The following GNB4 variants were observed in gnomAD, a reference collection of about 807,000 sequenced individuals.
GNB4 encodes G protein subunit beta 4, also known as guanine nucleotide-binding protein subunit beta-4.
Under a neutral mutation model 45.2 loss-of-function variants are expected in GNB4, and 28 were observed. That is an observed-to-expected ratio of 0.62 (90% CI 0.46 to 0.85). GNB4 has a LOEUF of 0.85. Among genes scored for constraint, GNB4 ranks in the 40% least tolerant of loss-of-function variants. The pLI is 0.00. For synonymous variants in GNB4, 132 were observed against 143.7 expected (o/e 0.92, Z 0.58); for missense variants, 321 against 425.4 (o/e 0.75, Z 2.16).
chr3:179,427,324 G>T (rs1715175913), intron 1 of GNB4, among the ~76,000 whole-genome samples: 1 of 151,994 alleles, frequency 6.6e-6, no homozygotes, highest in Non-Finnish European at 1.5e-5. Flanking sequence ...GATGTAAAGG[G>T]TCTGGTGTGG....
chr3:179,400,057 C>T lies in GNB4; in HGVS notation c.*1156G>A, dbSNP rs1203077371. On this transcript the variant is annotated 3_prime_UTR_variant, in exon 10 of 10. Coordinates refer to ENST00000232564, the MANE Select transcript of GNB4 (RefSeq NM_021629.4). ...ACTTACATCTAGACATCCTTTGAAGCAAAACCACTTAGAAACCAGTATTTT... is the reference window on the plus strand; with the variant it reads ...ACTTACATCTAGACATCCTTTGAAGTAAAACCACTTAGAAACCAGTATTTT... 6.6e-6 allele frequency: 1 copy of T among 152,130 alleles called. No individual in the cohort carries two copies. Among genetic ancestry groups the T allele is most frequent in the African/African-American group, 2.4e-5 (1 of 41,432 alleles). The allele number at this position is 152,130 out of a possible 1,614,324, so 9.4% of individuals were successfully genotyped here. A position where few individuals can be genotyped will look rare whatever the true frequency, so the allele number is the denominator to read the frequency against.
chr3:179,517,108 C>T, the GNB4 span, among the ~76,000 whole-genome samples: 138 of 152,150 alleles, frequency 9.1e-4, 1 homozygote, highest in African/African-American at 3.2e-3. Flanking sequence ...TCATATTCCC[C>T]GTGACCTGCA....
chr3:179,440,162 T>G (rs1428573431), intron 1 of GNB4, among the ~76,000 whole-genome samples: 4 of 152,200 alleles, frequency 2.6e-5, no homozygotes, highest in Non-Finnish European at 1.5e-5. Flanking sequence ...AGGTGTTATC[T>G]TCTCTTTCCT....
chr3:179,444,892 G>T (rs1715680527), intron 1 of GNB4, among the ~76,000 whole-genome samples: 1 of 151,804 alleles, frequency 6.6e-6, no homozygotes, highest in Admixed American at 6.6e-5. Flanking sequence ...TGCCTTACTG[G>T]GTTTTTAATT....
At chr3:179,521,663 T>G in the GNB4 span, among the ~76,000 whole-genome samples, 9 of 152,222 alleles carry the variant, frequency 5.9e-5, no homozygotes, top group African/African-American at 2.2e-4. Context: ...CCGTCACTCC[T>G]AACTCCCTCT....
chr3:179,402,026 TTC>T (rs1034749295), intron 9 of GNB4, among the ~76,000 whole-genome samples: 1 of 152,178 alleles, frequency 6.6e-6, no homozygotes, highest in Non-Finnish European at 1.5e-5. Flanking sequence ...TGAATTTGCA[TTC>T]TCTCTCTCTA....
the GNB4 span, among the ~76,000 whole-genome samples, chr3:179,474,300 T>C: frequency 6.6e-6 from 1 of 152,216 alleles, no homozygotes; most frequent in Non-Finnish European, 1.5e-5. Flanking sequence ...CTCAGCTCAC[T>C]GCAACCTCCT....
chr3:179,513,043 G>A, the GNB4 span, among the ~76,000 whole-genome samples: 3 of 151,758 alleles, frequency 2.0e-5, no homozygotes, highest in Admixed American at 6.6e-5. Context: ...TTTCTAACTG[G>A]TGGTAAAGAC....
intron 1 of GNB4, among the ~76,000 whole-genome samples, chr3:179,430,898 C>G (rs1715291749): frequency 6.6e-6 from 1 of 152,132 alleles, no homozygotes; most frequent in Non-Finnish European, 1.5e-5. Flanking sequence ...CCCTAATATT[C>G]ATCATAGCTT....
chr3:179,459,411 A>G, the GNB4 span, among the ~76,000 whole-genome samples: 1 of 152,146 alleles, frequency 6.6e-6, no homozygotes, highest in East Asian at 1.9e-4. Flanking sequence ...GGCCGGGCGC[A>G]GTGCCTCACG....
At chr3:179,484,834 A>ATGTGTGTG in the GNB4 span, among the ~76,000 whole-genome samples, 18 of 82,084 alleles carry the variant, frequency 2.2e-4, no homozygotes, top group Admixed American at 1.4e-3. Flanking sequence ...ATAGCTATAT[A>ATGTGTGTG]TATGTGTGTG....
chr3:179,443,307 G>T (rs1715640198), intron 1 of GNB4, among the ~76,000 whole-genome samples: 1 of 152,202 alleles, frequency 6.6e-6, no homozygotes, highest in African/African-American at 2.4e-5. Context: ...GAGAGGCTGA[G>T]GCAGTTGGAT....
At chr3:179,420,729 G>A (rs761834104) in intron 3 of GNB4, among the ~76,000 whole-genome samples, 160 bp downstream of exon 3, 12 of 151,898 alleles carry the variant, frequency 7.9e-5, no homozygotes, top group South Asian at 2.1e-4. Context: ...AAAAGCACTC[G>A]CACTGTATAG....
chr3:179,439,209 G>C (rs538918042), intron 1 of GNB4, among the ~76,000 whole-genome samples: 60 of 152,270 alleles, frequency 3.9e-4, no homozygotes, highest in African/African-American at 1.4e-3. Context: ...ATTTACACAA[G>C]CAGTTTAACA....
At chr3:179,462,173 C>CGTGT in the GNB4 span, among the ~76,000 whole-genome samples, 8 of 132,088 alleles carry the variant, frequency 6.1e-5, no homozygotes, top group Non-Finnish European at 9.7e-5. Context: ...TGTGTGTGCA[C>CGTGT]ATGTGTGTGT....
Position 179,398,318 on chromosome 3 carries a change from C to G in GNB4, c.*2895G>C, listed in dbSNP as rs768586635. ...TCACTTGAGGCCAGGAGTACGAGAT[C>G]AGACTGGCCAAGATGGTGAAACCCC... On this transcript the variant is annotated 3_prime_UTR_variant, in exon 10 of 10. Coordinates refer to ENST00000232564, the MANE Select transcript of GNB4 (RefSeq NM_021629.4). The G allele has an allele frequency of 2.0e-5, 3 of 151,536 alleles. No individual in the cohort carries two copies. The highest frequency in any genetic ancestry group is 7.3e-5 in the African/African-American group (3 of 41,224). The allele number at this position is 151,536 out of a possible 1,614,324, so 9.4% of individuals were successfully genotyped here. A position where few individuals can be genotyped will look rare whatever the true frequency, so the allele number is the denominator to read the frequency against.
At chr3:179,482,503 T>G in the GNB4 span, among the ~76,000 whole-genome samples, 3 of 152,248 alleles carry the variant, frequency 2.0e-5, no homozygotes, top group Admixed American at 1.3e-4. Flanking sequence ...TGATTTCATT[T>G]TGTATAAAAC....
chr3:179,430,920 AATTT>A (rs1325989714), intron 1 of GNB4, among the ~76,000 whole-genome samples: 3 of 152,184 alleles, frequency 2.0e-5, no homozygotes, highest in Non-Finnish European at 4.4e-5. Context: ...ACAAAGTATT[AATTT>A]TTTTTGCTGT....
the GNB4 span, among the ~76,000 whole-genome samples, chr3:179,514,303 T>A: frequency 6.6e-6 from 1 of 152,184 alleles, no homozygotes; most frequent in Non-Finnish European, 1.5e-5. Context: ...AGGAACAGAA[T>A]GAATCCAAGA....
Sources: allele counts gnomAD v4.1 joint callset (sites outside exome capture counted in the v4.1 genomes callset), GRCh38; gene constraint gnomAD v4.1.1; transcripts MANE v1.5; gene names NCBI Gene and HGNC (gene_info 2026-07-23, HGNC 2026-07-21).